The following RNF170 variants were observed in gnomAD, a reference collection of about 807,000 sequenced individuals.
The protein encoded by RNF170 is ring finger protein 170, also known as E3 ubiquitin-protein ligase RNF170.
RNF170 carries 12 observed loss-of-function variants against 32.7 expected under a neutral mutation model. That is an observed-to-expected ratio of 0.37 (90% CI 0.24 to 0.60). The LOEUF is 0.60. Ranked by LOEUF, RNF170 falls within the 20% of genes least tolerant of loss-of-function variation. RNF170 has a pLI of 0.72. For missense variants in RNF170, 212 were observed against 311.2 expected, an observed-to-expected ratio of 0.68 and a Z score of 2.40; for synonymous variants, 91 against 103.6, an observed-to-expected ratio of 0.88 and a Z score of 0.74.
chr8:42,865,543 T>A, intron 4 of RNF170, 54 bp from the exon 5 acceptor site: 1 of 1,178,938 alleles, frequency 8.5e-7, no homozygotes. Context: ...TGTTTTAAAG[T>A]CCACATATCC....
intron 4 of RNF170, among the ~76,000 whole-genome samples, chr8:42,868,090 A>G (rs1735627864): frequency 6.6e-6 from 1 of 152,230 alleles, no homozygotes; most frequent in Non-Finnish European, 1.5e-5. Flanking sequence ...AGAAAATTAA[A>G]AGATAAAAAC....
At position 42,854,529 on chromosome 8, in the gene RNF170, T is replaced by G; in HGVS notation, c.*1630A>C. On this transcript the variant is annotated 3_prime_UTR_variant, in exon 7 of 7. Transcript: ENST00000527424. ...ATAATGTGCTATGTTTAAGCATTAT[T>G]GTTTTTCTCTATGACAAGCAACAGC... is the stretch of plus-strand genomic sequence containing the variant. 6.2e-6 allele frequency: 8 copies of G among 1,287,068 alleles called. No homozygotes were observed. Among genetic ancestry groups the G allele is most frequent in the Non-Finnish European group, 8.1e-6 (8 of 988,510 alleles). 79.7% of individuals were successfully genotyped at this position (1,287,068 alleles called of 1,614,324 possible).
chr8:42,867,202 T>C (rs557012559), intron 4 of RNF170, among the ~76,000 whole-genome samples: 21 of 152,318 alleles, frequency 1.4e-4, no homozygotes, highest in Non-Finnish European at 2.4e-4. Context: ...CCTGGCACAG[T>C]GGCTCACGCC....
chr8:42,875,192 A>T (rs1294382117), intron 2 of RNF170, among the ~76,000 whole-genome samples: 1 of 150,742 alleles, frequency 6.6e-6, no homozygotes, highest in Admixed American at 6.6e-5. Flanking sequence ...AAAAAGAAAG[A>T]TGTGTTGGTC....
intron 5 of RNF170, among the ~76,000 whole-genome samples, chr8:42,864,945 G>A (rs1034793527): frequency 1.3e-5 from 2 of 150,644 alleles, no homozygotes; most frequent in Non-Finnish European, 1.5e-5. Flanking sequence ...ATCGTGGGCC[G>A]GGTACAGTTT....
At chr8:42,882,096 GA>G (rs1805460607) in intron 2 of RNF170, among the ~76,000 whole-genome samples, 1 of 152,148 alleles carries the variant, frequency 6.6e-6, no homozygotes. Flanking sequence ...CACACATAGG[GA>G]ACAACAGTGT....
chr8:42,869,945 A>G (rs1028896848), intron 4 of RNF170, 59 bp downstream of exon 4: 6 of 1,213,756 alleles, frequency 4.9e-6, no homozygotes, highest in Admixed American at 3.5e-5. Flanking sequence ...CAGCCTTTGT[A>G]CACATAGAGG....
Position 42,856,442 on chromosome 8 carries a change from A to G in RNF170, c.508-14T>C. 1 of 1,584,438 alleles carries G rather than the reference A, an allele frequency of 6.3e-7. No homozygotes were observed. The highest frequency in any genetic ancestry group is 8.7e-7 in the Non-Finnish European group (1 of 1,154,594). ...TCTCTCCATAATCTGGTAGAGGGAA[A>G]AACAAGTATTATGATTCAGCACCTA... On this transcript the variant is annotated splice_polypyrimidine_tract_variant and intron_variant, in intron 6 of 6. Coordinates refer to ENST00000527424, the MANE Select transcript of RNF170 (RefSeq NM_030954.4).
rs1803040189 is a variant in RNF170, at chr8:42,853,861, T to G, written c.*2298A>C. The G allele has an allele frequency of 7.8e-7, 1 of 1,286,674 alleles. No homozygotes were observed. Among genetic ancestry groups the G allele is most frequent in the Non-Finnish European group, 1.0e-6 (1 of 988,282 alleles). 79.7% of individuals were successfully genotyped at this position (1,286,674 alleles called of 1,614,324 possible). On this transcript the variant is annotated 3_prime_UTR_variant, in exon 7 of 7. Coordinates refer to ENST00000527424, the MANE Select transcript of RNF170 (RefSeq NM_030954.4). ...TTAGTATTTTTTTATGTTACAAAAT[T>G]TGGTACAATACACCTCTTTCAGGAA...
intron 6 of RNF170, chr8:42,861,249 A>G (rs1803633537): frequency 6.6e-6 from 1 of 152,230 alleles, no homozygotes; most frequent in Non-Finnish European, 1.5e-5. Context: ...TAAGAAAGAA[A>G]ATTGTAGTCC....
chr8:42,884,056 C>A (rs369195757), intron 2 of RNF170, among the ~76,000 whole-genome samples: 1 of 152,066 alleles, frequency 6.6e-6, no homozygotes, highest in East Asian at 1.9e-4. Flanking sequence ...CTGCCCACTG[C>A]GCCTGGCAGA....
chr8:42,888,148 G>A (rs1476041961), intron 1 of RNF170, among the ~76,000 whole-genome samples: 2 of 151,860 alleles, frequency 1.3e-5, no homozygotes, highest in Non-Finnish European at 2.9e-5. Context: ...TCACTGCAAC[G>A]TCCGCCTCCC....
At chr8:42,863,982 T>TGGGTGG (rs1022833133) in intron 5 of RNF170, among the ~76,000 whole-genome samples, 1 of 124,412 alleles carries the variant, frequency 8.0e-6, no homozygotes, top group African/African-American at 4.0e-5. Context: ...AGAGAGAGAG[T>TGGGTGG]GTGTGTGTGT....
Position 42,861,761 on chromosome 8 carries a change from G to A in RNF170, c.491C>T (p.Ser164Leu). ...ATTACTTACAGATCTGGGTTGCCCT[G>A]AGAATCTCCGGTTATAATCATTAAT... The part of the protein sequence containing the change: ...QDINDYNRRF[S>L]GQPRSIMERI... Residue 164 changes from serine to leucine, a missense_variant, in exon 6 of 7, where the codon TCA (serine) becomes TTA (leucine). Transcript: ENST00000527424. 1 of 1,612,666 alleles carries A rather than the reference G, an allele frequency of 6.2e-7. No homozygotes were observed. The highest frequency in any genetic ancestry group is 8.5e-7 in the Non-Finnish European group (1 of 1,178,922).
chr8:42,850,837 C>A, downstream of RNF170: 3 of 1,551,580 alleles, frequency 1.9e-6, no homozygotes. Flanking sequence ...TAACGTGAAG[C>A]ATAAACGTGG....
At chr8:42,864,809 C>A (rs942445172) in intron 5 of RNF170, among the ~76,000 whole-genome samples, 11 of 133,568 alleles carry the variant, frequency 8.2e-5, no homozygotes, top group Non-Finnish European at 1.5e-4. Flanking sequence ...AATTTTTTTT[C>A]AAAACAAGTA....
chr8:42,882,588 ATAT>A (rs1391161656), intron 2 of RNF170, among the ~76,000 whole-genome samples: 1 of 152,232 alleles, frequency 6.6e-6, no homozygotes, highest in East Asian at 1.9e-4. Context: ...AACTTTGAAA[ATAT>A]TATGCTAAGT....
intron 2 of RNF170, among the ~76,000 whole-genome samples, chr8:42,880,856 C>T (rs975021680): frequency 2.6e-5 from 4 of 152,192 alleles, no homozygotes; most frequent in African/African-American, 9.7e-5. Context: ...AGTCAAGACT[C>T]TCCACCAGCA....
chr8:42,851,931 C>T (rs1321733781), downstream of RNF170, among the ~76,000 whole-genome samples: 2 of 152,230 alleles, frequency 1.3e-5, no homozygotes, highest in Non-Finnish European at 2.9e-5. Context: ...CCACACTGTC[C>T]TCGCTTGAGC....
Sources: allele counts gnomAD v4.1 joint callset (sites outside exome capture counted in the v4.1 genomes callset), GRCh38; gene constraint gnomAD v4.1.1; transcripts MANE v1.5; gene names NCBI Gene and HGNC (gene_info 2026-07-23, HGNC 2026-07-21).